MOSMO: variants seen among roughly 807,000 people sequenced by gnomAD.
MOSMO encodes modulator of smoothened.
Under a neutral mutation model 18.4 loss-of-function variants are expected in MOSMO, and 5 were observed. The ratio of observed to expected loss-of-function variants is 0.27; its 90% CI spans 0.14 to 0.57. MOSMO has a LOEUF of 0.57. Ranked by LOEUF, MOSMO falls within the 20% of genes least tolerant of loss-of-function variation. The pLI, the probability that MOSMO is intolerant of heterozygous loss-of-function variation, is 0.92. For missense variants in MOSMO, 138 were observed against 211.8 expected (o/e 0.65, Z 2.16); for synonymous variants, 82 against 82.3 (o/e 1.00, Z 0.02).
At chr16:22,060,639 G>A (rs1202834103) in intron 1 of MOSMO, among the ~76,000 whole-genome samples, 3 of 152,234 alleles carry the variant, frequency 2.0e-5, no homozygotes, top group African/African-American at 7.2e-5. Context: ...TTGGGAGGCC[G>A]AAGCAGTCCA....
intron 1 of MOSMO, among the ~76,000 whole-genome samples, chr16:22,034,710 G>A (rs183008921): frequency 1.6e-5 from 2 of 125,652 alleles, no homozygotes; most frequent in African/African-American, 5.9e-5. Flanking sequence ...TGTCTTTGGG[G>A]TTTAGAAACT....
At chr16:22,045,149 C>CACGTG (rs1355274183) in intron 1 of MOSMO, among the ~76,000 whole-genome samples, 2 of 150,650 alleles carry the variant, frequency 1.3e-5, no homozygotes, top group African/African-American at 4.9e-5. Context: ...CGTGACACTG[C>CACGTG]ACTCCAGCCT....
At chr16:22,086,324 G>C (rs541039219), downstream of MOSMO, 1 of 152,176 alleles carries the variant, frequency 6.6e-6, no homozygotes, top group South Asian at 2.1e-4. Flanking sequence ...CAAGCTCTCT[G>C]TTCAGTCATT....
At chr16:22,048,380 CA>C (rs1900357225) in intron 1 of MOSMO, among the ~76,000 whole-genome samples, 1 of 152,190 alleles carries the variant, frequency 6.6e-6, no homozygotes, top group South Asian at 2.1e-4. Context: ...ACATCAACAT[CA>C]ACCCAAAAGG....
intron 1 of MOSMO, among the ~76,000 whole-genome samples, chr16:22,061,194 T>C (rs1342630217): frequency 6.6e-6 from 1 of 152,212 alleles, no homozygotes; most frequent in Non-Finnish European, 1.5e-5. Context: ...ATGCACACAT[T>C]CTATATCATG....
At position 22,044,068 on chromosome 16, in the gene MOSMO, C is replaced by A. The variant is rs564940873; in HGVS notation, c.107-31419C>A. Among the ~76,000 whole-genome samples the A allele has an allele frequency of 1.1e-4, 17 of 152,220 alleles. No individual in the cohort carries two copies. In the South Asian group the frequency reaches 3.5e-3, roughly 32 times the overall value. On this transcript the variant is annotated intron_variant, in intron 1 of 2. Transcript: ENST00000542527. ...AGATCTCATGAGACTTATTCACTAC[C>A]ATGAGAACAGTATGGGAGGGAACCC... is the stretch of plus-strand genomic sequence containing the variant.
chr16:22,010,682 GC>G (rs1899506157), intron 1 of MOSMO, among the ~76,000 whole-genome samples: 1 of 152,204 alleles, frequency 6.6e-6, no homozygotes. Flanking sequence ...ACTTTGGGAG[GC>G]CAAGGCGGAC....
At chr16:22,064,789 C>T (rs1900718140) in intron 1 of MOSMO, among the ~76,000 whole-genome samples, 1 of 152,018 alleles carries the variant, frequency 6.6e-6, no homozygotes, top group African/African-American at 2.4e-5. Context: ...TTAGATAAGA[C>T]AGAGTAAAAA....
At chr16:22,071,065 T>A (rs16972572) in intron 1 of MOSMO, among the ~76,000 whole-genome samples, 9,362 of 152,272 alleles carry the variant, frequency 0.061, 915 homozygotes, top group African/African-American at 0.21. Flanking sequence ...CTTTTATCAA[T>A]CATTAAGACA....
chr16:22,014,890 T>C (rs928398221), intron 1 of MOSMO, among the ~76,000 whole-genome samples: 3 of 152,262 alleles, frequency 2.0e-5, no homozygotes, highest in African/African-American at 7.2e-5. Flanking sequence ...TATTTCTTCA[T>C]TGGCCTTTTG....
At chr16:22,018,377 G>A (rs1899684412) in intron 1 of MOSMO, among the ~76,000 whole-genome samples, 1 of 152,068 alleles carries the variant, frequency 6.6e-6, no homozygotes, top group African/African-American at 2.4e-5. Flanking sequence ...TCAAAAATAG[G>A]CCATGTTCAG....
chr16:22,053,945 A>C (rs1900481564), intron 1 of MOSMO, among the ~76,000 whole-genome samples: 1 of 152,244 alleles, frequency 6.6e-6, no homozygotes, highest in East Asian at 1.9e-4. Flanking sequence ...GTACATATTC[A>C]AATTTTAGTT....
At chr16:22,029,826 C>G (rs1300623443) in intron 1 of MOSMO, among the ~76,000 whole-genome samples, 1 of 152,070 alleles carries the variant, frequency 6.6e-6, no homozygotes, top group Non-Finnish European at 1.5e-5. Flanking sequence ...TGGGGTTTCA[C>G]CATGTTGTCC....
chr16:22,081,049 T>A lies in MOSMO; in HGVS notation c.*169T>A. ...AAAAAATGCTTTGGTTTGTTCTCAC[T>A]ATGCACTTTGGATTTAAAAAAAAAA... On this transcript the variant is annotated 3_prime_UTR_variant, in exon 3 of 3. Coordinates refer to ENST00000542527, the MANE Select transcript of MOSMO (RefSeq NM_001164579.2). 9.9e-6 allele frequency: 3 copies of A among 301,624 alleles called. No homozygotes were observed. Among genetic ancestry groups the A allele is most frequent in the Non-Finnish European group, 1.8e-5 (3 of 166,802 alleles). The allele number at this position is 301,624 out of a possible 1,614,324, so 18.7% of individuals were successfully genotyped here.
intron 1 of MOSMO, among the ~76,000 whole-genome samples, chr16:22,061,134 G>C (rs537406598): frequency 6.6e-6 from 1 of 152,152 alleles, no homozygotes; most frequent in South Asian, 2.1e-4. Flanking sequence ...TACCTTGGGA[G>C]CTTGGGGGAG....
intron 1 of MOSMO, among the ~76,000 whole-genome samples, chr16:22,051,649 A>G (rs1212788182): frequency 6.6e-6 from 1 of 152,180 alleles, no homozygotes; most frequent in African/African-American, 2.4e-5. Flanking sequence ...TAATAAATCA[A>G]TAAGCATAAG....
At chr16:22,056,129 G>A (rs1900527943) in intron 1 of MOSMO, among the ~76,000 whole-genome samples, 1 of 152,122 alleles carries the variant, frequency 6.6e-6, no homozygotes, top group Middle Eastern at 3.2e-3. Context: ...TTTCAGAGAG[G>A]TGGCAAAAGT....
chr16:22,030,734 G>A (rs1018976848), intron 1 of MOSMO, among the ~76,000 whole-genome samples: 8 of 152,090 alleles, frequency 5.3e-5, no homozygotes, highest in Non-Finnish European at 8.8e-5. Context: ...TTGCCATGTG[G>A]GCCAGGCTGG....
intron 1 of MOSMO, among the ~76,000 whole-genome samples, chr16:22,036,828 G>A (rs1448497208): frequency 6.6e-6 from 1 of 152,170 alleles, no homozygotes; most frequent in Non-Finnish European, 1.5e-5. Context: ...GGACCCCATT[G>A]TAAGGGCAGT....
Sources: allele counts gnomAD v4.1 joint callset (sites outside exome capture counted in the v4.1 genomes callset), GRCh38; gene constraint gnomAD v4.1.1; transcripts MANE v1.5; gene names NCBI Gene and HGNC (gene_info 2026-07-23, HGNC 2026-07-21).